The following ABI2 variants were observed in gnomAD, a reference collection of about 807,000 sequenced individuals.
The protein encoded by ABI2 is abl interactor 2.
Under a neutral mutation model 59.2 loss-of-function variants are expected in ABI2, and 25 were observed. The observed-to-expected ratio is 0.42, with a 90% CI of 0.31 to 0.59. ABI2 has a LOEUF of 0.59. Among genes scored for constraint, ABI2 ranks in the 20% least tolerant of loss-of-function variants. ABI2 has a pLI of 0.14. For synonymous variants in ABI2, 213 were observed against 235.5 expected, an observed-to-expected ratio of 0.90 and a Z score of 0.87; for missense variants, 545 against 681.8, an observed-to-expected ratio of 0.80 and a Z score of 2.23.
intron 8 of ABI2, among the ~76,000 whole-genome samples, chr2:203,397,238 T>C (rs1413570585): frequency 1.3e-5 from 2 of 152,190 alleles, no homozygotes; most frequent in Non-Finnish European, 2.9e-5. Context: ...AAGTTTAATA[T>C]GGAGCTACCT....
At chr2:203,420,587 G>A (rs1026333667) in intron 11 of ABI2, among the ~76,000 whole-genome samples, 18 of 151,952 alleles carry the variant, frequency 1.2e-4, no homozygotes, top group African/African-American at 3.9e-4. Context: ...TAGAGACAGG[G>A]TTTCACCATG....
intron 3 of ABI2, among the ~76,000 whole-genome samples, chr2:203,381,557 G>A (rs1302335598): frequency 6.6e-6 from 1 of 152,178 alleles, no homozygotes; most frequent in Non-Finnish European, 1.5e-5. Context: ...GTAAGCCATC[G>A]TGCCTGCCCA....
At chr2:203,386,860 G>C (rs1384213198) in intron 4 of ABI2, among the ~76,000 whole-genome samples, 2 of 151,844 alleles carry the variant, frequency 1.3e-5, no homozygotes, top group Admixed American at 1.3e-4. Context: ...GCTGGTCTCT[G>C]AACTCCTGGC....
intron 2 of ABI2, among the ~76,000 whole-genome samples, chr2:203,372,651 G>C (rs1022420125): frequency 6.6e-6 from 1 of 151,844 alleles, no homozygotes; most frequent in Non-Finnish European, 1.5e-5. Flanking sequence ...TGGCCGGGCA[G>C]AGGGGCTCCT....
intron 4 of ABI2, among the ~76,000 whole-genome samples, chr2:203,386,288 CTT>C (rs779273337): frequency 1.3e-3 from 204 of 151,934 alleles, no homozygotes; most frequent in Non-Finnish European, 2.7e-3. Flanking sequence ...TTTAAATTCT[CTT>C]TTCTTTTTTT....
At chr2:203,376,115 A>G in intron 2 of ABI2, 1 of 1,534,564 alleles carries the variant, frequency 6.5e-7, no homozygotes. Flanking sequence ...AAACAATTGC[A>G]GTTTGAGATT....
intron 1 of ABI2, among the ~76,000 whole-genome samples, chr2:203,338,934 GTATATATA>G (rs1292898900): frequency 1.9e-4 from 1 of 5,194 alleles, no homozygotes; most frequent in African/African-American, 3.9e-4. Flanking sequence ...GTGTGTATAT[GTATATATA>G]TATATATATA....
chr2:203,386,888 C>T (rs534599000), intron 4 of ABI2, among the ~76,000 whole-genome samples: 32 of 152,260 alleles, frequency 2.1e-4, no homozygotes, highest in African/African-American at 6.7e-4. Flanking sequence ...GATCTGCCCA[C>T]CCTGGCCTCC....
intron 11 of ABI2, among the ~76,000 whole-genome samples, chr2:203,419,525 T>C (rs1312962452): frequency 6.6e-6 from 1 of 151,568 alleles, no homozygotes; most frequent in African/African-American, 2.4e-5. Context: ...CCTGCCACCA[T>C]GCCTGGGTAA....
intron 1 of ABI2, among the ~76,000 whole-genome samples, chr2:203,366,430 T>C (rs2094456552): frequency 6.6e-6 from 1 of 152,208 alleles, no homozygotes; most frequent in East Asian, 1.9e-4. Flanking sequence ...GATGCTCTTA[T>C]AGGGTTAAAC....
chr2:203,426,928 T>A (rs545491218), intron 11 of ABI2, among the ~76,000 whole-genome samples: 3 of 152,180 alleles, frequency 2.0e-5, no homozygotes, highest in Non-Finnish European at 4.4e-5. Context: ...CAAAAGCACA[T>A]TTGATTAAAT....
intron 9 of ABI2, among the ~76,000 whole-genome samples, chr2:203,407,282 A>G (rs912942012): frequency 6.6e-6 from 1 of 152,202 alleles, no homozygotes; most frequent in Non-Finnish European, 1.5e-5. Context: ...AGAAAATACT[A>G]CACTTACACA....
Position 203,328,436 on chromosome 2 carries a change from C to G in ABI2, c.-79C>G, listed in dbSNP as rs549224529. 111 of 1,211,868 alleles carry G rather than the reference C, an allele frequency of 9.2e-5. No homozygotes were observed. The African/African-American group carries it at 1.6e-3, about 18-fold the overall frequency. The allele number at this position is 1,211,868 out of a possible 1,614,324, so 75.1% of individuals were successfully genotyped here. Reference sequence around the variant, plus strand: ...GCCGTCGCCGCCGCTCCTCCTCTCCCGGTCCTGGGTTTCCTTGGCGCTGCG... The same window carrying G: ...GCCGTCGCCGCCGCTCCTCCTCTCCGGGTCCTGGGTTTCCTTGGCGCTGCG... On this transcript the variant is annotated 5_prime_UTR_variant, in exon 1 of 12. Coordinates refer to ENST00000261018, the MANE Select transcript of ABI2 (RefSeq NM_001375670.1).
intron 4 of ABI2, among the ~76,000 whole-genome samples, chr2:203,384,816 G>A (rs1420547529): frequency 6.6e-6 from 1 of 151,486 alleles, no homozygotes; most frequent in Non-Finnish European, 1.5e-5. Flanking sequence ...CATCGCCCAA[G>A]CAGATTCTTT....
At chr2:203,395,507 A>C in intron 6 of ABI2, 149 bp from the exon 7 acceptor site, 1 of 660,558 alleles carries the variant, frequency 1.5e-6, no homozygotes, top group South Asian at 2.8e-5. Context: ...CCTGTCACTG[A>C]CTTGGAGCTC....
Position 203,366,203 on chromosome 2 carries a change from C to T in ABI2, c.118-674C>T, listed in dbSNP as rs752655437. ...GCCTGGTGGCTCATGCCTGTAATCC[C>T]GGCACTTCAGGAGGCTGAGGCAGGC... On this transcript the variant is annotated intron_variant, in intron 1 of 11. Transcript: ENST00000261018. 5.9e-5 allele frequency among the ~76,000 whole-genome samples: 9 copies of T among 152,162 alleles called. No homozygotes were observed. In the East Asian group the frequency reaches 7.7e-4, roughly 13 times the overall value.
chr2:203,359,476 T>C (rs1229349640), intron 1 of ABI2, among the ~76,000 whole-genome samples: 1 of 152,216 alleles, frequency 6.6e-6, no homozygotes, highest in Non-Finnish European at 1.5e-5. Flanking sequence ...AAATCTGTTG[T>C]AGTTAGACAA....
At chr2:203,352,376 G>GCAGT (rs979455444) in intron 1 of ABI2, among the ~76,000 whole-genome samples, 1 of 152,088 alleles carries the variant, frequency 6.6e-6, no homozygotes, top group African/African-American at 2.4e-5. Context: ...GGAGTCTCAG[G>GCAGT]CAGTCCTTCA....
chr2:203,420,960 G>C (rs1200933935), intron 11 of ABI2, among the ~76,000 whole-genome samples: 1 of 150,300 alleles, frequency 6.7e-6, no homozygotes, highest in Non-Finnish European at 1.5e-5. Context: ...AGTGCATGAG[G>C]GTGGGGGTGG....
Sources: allele counts gnomAD v4.1 joint callset (sites outside exome capture counted in the v4.1 genomes callset), GRCh38; gene constraint gnomAD v4.1.1; transcripts MANE v1.5; gene names NCBI Gene and HGNC (gene_info 2026-07-23, HGNC 2026-07-21).